Variants in TSPAN11 observed in about 807,000 individuals in gnomAD.
TSPAN11 encodes the protein tetraspanin-11.
Under a neutral mutation model 32.9 loss-of-function variants are expected in TSPAN11, and 29 were observed. The ratio of observed to expected loss-of-function variants is 0.88; its 90% CI spans 0.66 to 1.20. The LOEUF (loss-of-function observed/expected upper bound fraction) is 1.20, where lower values mean the gene tolerates loss of function less well. Ranked by LOEUF, TSPAN11 falls within the 50% of genes most tolerant of loss-of-function variation. TSPAN11 has a pLI of 0.00. For synonymous variants in TSPAN11, 140 were observed against 141.3 expected, an observed-to-expected ratio of 0.99 and a Z score of 0.07; for missense variants, 283 against 329.1, an observed-to-expected ratio of 0.86 and a Z score of 1.08.
chr12:30,944,318 G>T (rs1938224844), intron 1 of TSPAN11, among the ~76,000 whole-genome samples: 1 of 152,032 alleles, frequency 6.6e-6, no homozygotes, highest in South Asian at 2.1e-4. Context: ...GTTGTACAAT[G>T]GATCTCTTGA....
At chr12:30,950,803 C>T (rs946552010) in intron 1 of TSPAN11, among the ~76,000 whole-genome samples, 16 of 152,060 alleles carry the variant, frequency 1.1e-4, no homozygotes, top group Non-Finnish European at 1.9e-4. Flanking sequence ...AGCATTCCCA[C>T]CAACAGAAAG....
chr12:30,935,066 C>T (rs1319176666), intron 1 of TSPAN11, among the ~76,000 whole-genome samples: 1 of 152,132 alleles, frequency 6.6e-6, no homozygotes, highest in African/African-American at 2.4e-5. Flanking sequence ...AGCCCCTGCC[C>T]CTCTCCTGTG....
chr12:30,983,449 G>A (rs1009722824), intron 7 of TSPAN11, among the ~76,000 whole-genome samples: 4 of 152,218 alleles, frequency 2.6e-5, no homozygotes, highest in Non-Finnish European at 4.4e-5. Context: ...GTGTGTGCAC[G>A]TGGGGGTGAG....
At chr12:30,972,165 C>T (rs1938865467) in intron 3 of TSPAN11, among the ~76,000 whole-genome samples, 1 of 152,068 alleles carries the variant, frequency 6.6e-6, no homozygotes, top group African/African-American at 2.4e-5. Flanking sequence ...TTGGAAGGAC[C>T]GGCAGCCCTG....
At chr12:30,981,116 G>A (rs988764232) in intron 5 of TSPAN11, among the ~76,000 whole-genome samples, 5 of 152,164 alleles carry the variant, frequency 3.3e-5, no homozygotes, top group African/African-American at 1.2e-4. Context: ...AACTGACAGC[G>A]AAGGCTGTGT....
intron 1 of TSPAN11, among the ~76,000 whole-genome samples, chr12:30,946,806 G>T (rs1001663607): frequency 6.6e-6 from 1 of 152,196 alleles, no homozygotes; most frequent in South Asian, 2.1e-4. Context: ...GAGGTGGGGG[G>T]TCTGGGGGTA....
intron 3 of TSPAN11, among the ~76,000 whole-genome samples, chr12:30,967,688 A>G (rs1938762177): frequency 3.7e-5 from 1 of 27,056 alleles, no homozygotes; most frequent in Non-Finnish European, 9.0e-5. Context: ...ACACACATGC[A>G]TATGCATGCA....
At chr12:30,998,191 G>A (rs552952059), downstream of TSPAN11, among the ~76,000 whole-genome samples, 15 of 152,356 alleles carry the variant, frequency 9.8e-5, no homozygotes, top group African/African-American at 3.4e-4. Flanking sequence ...AGGCAGTGCT[G>A]TTACTGGCTT....
intron 3 of TSPAN11, among the ~76,000 whole-genome samples, chr12:30,969,091 G>A (rs762989626): frequency 1.3e-5 from 2 of 152,160 alleles, no homozygotes; most frequent in Non-Finnish European, 2.9e-5. Flanking sequence ...CACTATTGCC[G>A]TCACCATGAC....
chr12:30,952,369 C>T lies in TSPAN11; in HGVS notation c.-11-1612C>T, dbSNP rs1938399796. ...TAGATCCCCTGGCCGACCCCATCCA[C>T]GGACATTTCTTACAGGCTTCCTTTT... On this transcript the variant is annotated intron_variant, in intron 1 of 7. Transcript: ENST00000546076. Among the ~76,000 whole-genome samples the T allele has an allele frequency of 2.0e-5, 3 of 152,326 alleles. 1 individual carries two copies. The highest frequency in any genetic ancestry group is 4.1e-4 in the South Asian group (2 of 4,830).
intron 7 of TSPAN11, among the ~76,000 whole-genome samples, chr12:30,991,131 C>G (rs1344112513): frequency 6.6e-6 from 1 of 152,148 alleles, no homozygotes; most frequent in Non-Finnish European, 1.5e-5. Flanking sequence ...ATGCTCCAGC[C>G]CCTTGTTCAG....
At chr12:31,007,689 C>T in the TSPAN11 span, among the ~76,000 whole-genome samples, 1 of 152,182 alleles carries the variant, frequency 6.6e-6, no homozygotes, top group African/African-American at 2.4e-5. Context: ...CAGGGCCAGG[C>T]CCAACATTTA....
chr12:30,960,812 G>A (rs906031598), intron 2 of TSPAN11, among the ~76,000 whole-genome samples: 11 of 151,890 alleles, frequency 7.2e-5, no homozygotes, highest in Admixed American at 6.6e-5. Context: ...GCCGAGGCAG[G>A]TGGATCACCT....
Position 30,938,504 on chromosome 12 carries a change from G to GTCATTTCTAGTA in TSPAN11, c.-12+11708_-12+11709insTCATTTCTAGTA, listed in dbSNP as rs1431964972. Among the ~76,000 whole-genome samples the GTCATTTCTAGTA allele has an allele frequency of 5.9e-5, 9 of 152,362 alleles. No individual in the cohort carries two copies. The East Asian group carries it at 1.7e-3, about 29-fold the overall frequency. On this transcript the variant is annotated intron_variant, in intron 1 of 7. Coordinates refer to ENST00000546076, the MANE Select transcript of TSPAN11 (RefSeq NM_001370302.1). ...GCTGGTTTACTAGAAATGAGAGCTA[G>GTCATTTCTAGTA]AAGATAAGCTGCTTGTCCAATGAGC...
intron 3 of TSPAN11, among the ~76,000 whole-genome samples, chr12:30,965,567 C>T (rs1211480789): frequency 1.3e-5 from 2 of 152,140 alleles, no homozygotes; most frequent in East Asian, 1.9e-4. Flanking sequence ...CTCCCAGAGC[C>T]CAATTAGAAC....
intron 1 of TSPAN11, among the ~76,000 whole-genome samples, chr12:30,930,105 T>C: frequency 6.6e-6 from 1 of 152,076 alleles, no homozygotes; most frequent in Non-Finnish European, 1.5e-5. Context: ...TTCGTGTAGA[T>C]GCCCTGCTCT....
chr12:30,938,558 C>T (rs1938092743), intron 1 of TSPAN11, among the ~76,000 whole-genome samples: 1 of 152,212 alleles, frequency 6.6e-6, no homozygotes, highest in African/African-American at 2.4e-5. Context: ...CAGCTGTGCA[C>T]ACCTGCACAG....
chr12:30,972,351 A>T (rs1312954002), intron 3 of TSPAN11, among the ~76,000 whole-genome samples: 1 of 152,122 alleles, frequency 6.6e-6, no homozygotes, highest in African/African-American at 2.4e-5. Context: ...ACAAGCAGGG[A>T]GGCCCCAGAG....
At chr12:30,984,750 G>T (rs1006251540) in intron 7 of TSPAN11, among the ~76,000 whole-genome samples, 9 of 151,866 alleles carry the variant, frequency 5.9e-5, no homozygotes, top group Admixed American at 4.6e-4. Flanking sequence ...AGAGGCTGAG[G>T]TTTCACCATG....
Sources: allele counts gnomAD v4.1 joint callset (sites outside exome capture counted in the v4.1 genomes callset), GRCh38; gene constraint gnomAD v4.1.1; transcripts MANE v1.5; gene names NCBI Gene and HGNC (gene_info 2026-07-23, HGNC 2026-07-21).